Variants in TUSC3 observed in about 807,000 individuals in gnomAD.
The protein encoded by TUSC3 is tumor suppressor candidate 3, also known as dolichyl-diphosphooligosaccharide--protein glycosyltransferase subunit TUSC3.
In TUSC3, 45 loss-of-function variants were observed where a neutral mutation model predicts 44.8. That is an observed-to-expected ratio of 1.00 (90% CI 0.79 to 1.29). The LOEUF is 1.29. TUSC3 is among the 50% of genes most tolerant of loss of function. TUSC3 has a pLI of 0.00. For missense variants in TUSC3, 519 were observed against 437.9 expected (o/e 1.19, Z -1.65); for synonymous variants, 212 against 152.9 (o/e 1.39, Z -2.85).
At chr8:15,422,252 AAAC>A (rs1799746923) in intron 1 of TUSC3, among the ~76,000 whole-genome samples, 1 of 152,232 alleles carries the variant, frequency 6.6e-6, no homozygotes, top group Non-Finnish European at 1.5e-5. Context: ...AGTAGTAAGT[AAAC>A]AAATTTCTCA....
chr8:15,542,073 A>G (rs1461676386), intron 1 of TUSC3, among the ~76,000 whole-genome samples: 1 of 151,880 alleles, frequency 6.6e-6, no homozygotes, highest in South Asian at 2.1e-4. Context: ...CAGGTGCCCA[A>G]GGTGGTCAGG....
chr8:15,625,769 A>C (rs1353508209), intron 2 of TUSC3, among the ~76,000 whole-genome samples: 2 of 152,224 alleles, frequency 1.3e-5, no homozygotes, highest in Non-Finnish European at 2.9e-5. Context: ...AATTTCTAAG[A>C]AGCATCTTAT....
At chr8:15,597,825 A>G (rs562225100) in intron 1 of TUSC3, among the ~76,000 whole-genome samples, 35 of 152,206 alleles carry the variant, frequency 2.3e-4, no homozygotes, top group African/African-American at 8.2e-4. Flanking sequence ...AGAAATGAGT[A>G]TGGCCTACAT....
At chr8:15,541,243 C>G (rs1801680963) in intron 1 of TUSC3, among the ~76,000 whole-genome samples, 1 of 152,156 alleles carries the variant, frequency 6.6e-6, no homozygotes, top group East Asian at 1.9e-4. Context: ...TCTTAATCCA[C>G]CATTAACTTT....
At chr8:15,531,295 C>T (rs767364064) in intron 2 of TUSC3, among the ~76,000 whole-genome samples, 9 of 152,330 alleles carry the variant, frequency 5.9e-5, no homozygotes, top group African/African-American at 2.2e-4. Context: ...CAGTCTTGCT[C>T]TGTCTCCCAG....
chr8:15,504,745 T>C (rs1310883743), intron 2 of TUSC3, among the ~76,000 whole-genome samples: 2 of 148,510 alleles, frequency 1.3e-5, no homozygotes, highest in Non-Finnish European at 3.0e-5. Flanking sequence ...CTCTGCCTCC[T>C]GGGTTCAAGC....
At chr8:15,823,222 C>T in the TUSC3 span, among the ~76,000 whole-genome samples, 385 of 152,260 alleles carry the variant, frequency 2.5e-3, 2 homozygotes, top group African/African-American at 8.3e-3. Context: ...TTTTCCGGAG[C>T]GCTACCCAAA....
At chr8:15,676,424 CTT>C (rs1367355579) in intron 6 of TUSC3, among the ~76,000 whole-genome samples, 2 of 152,162 alleles carry the variant, frequency 1.3e-5, no homozygotes, top group Non-Finnish European at 2.9e-5. Flanking sequence ...TGTAGGGTGT[CTT>C]TTTAGTCTGT....
At chr8:15,488,214 T>A (rs1800759320) in intron 2 of TUSC3, among the ~76,000 whole-genome samples, 4 of 152,032 alleles carry the variant, frequency 2.6e-5, no homozygotes. Flanking sequence ...ATCTCTAAAG[T>A]GTTTTTGTTG....
intron 2 of TUSC3, among the ~76,000 whole-genome samples, chr8:15,644,142 A>G (rs1183886700): frequency 6.6e-6 from 1 of 152,188 alleles, no homozygotes; most frequent in Non-Finnish European, 1.5e-5. Context: ...AAAAAGCATT[A>G]TAACATAAAA....
At chr8:15,510,227 A>T (rs942146567) in intron 2 of TUSC3, among the ~76,000 whole-genome samples, 3 of 152,204 alleles carry the variant, frequency 2.0e-5, no homozygotes, top group African/African-American at 7.2e-5. Context: ...GGAGAAAAAT[A>T]GATACAATCA....
intron 1 of TUSC3, among the ~76,000 whole-genome samples, chr8:15,555,765 T>C (rs943692340): frequency 6.6e-6 from 1 of 151,624 alleles, no homozygotes; most frequent in East Asian, 2.0e-4. Flanking sequence ...TGTAGAAGTT[T>C]AGCAACATTT....
At chr8:15,632,577 G>A (rs968653980) in intron 2 of TUSC3, among the ~76,000 whole-genome samples, 15 of 152,082 alleles carry the variant, frequency 9.9e-5, no homozygotes, top group Non-Finnish European at 1.6e-4. Context: ...TGAATATCCT[G>A]TTTCTCAGTA....
At position 15,671,904 on chromosome 8, in the gene TUSC3, C is replaced by G. The variant is rs184612826; in HGVS notation, c.709-1843C>G. Reference sequence around the variant, plus strand: ...ATTTCTAGCTGAGGATGGCAAGCCTCTTTATCTTATTCATTCTTACATCTC... The same window carrying G: ...ATTTCTAGCTGAGGATGGCAAGCCTGTTTATCTTATTCATTCTTACATCTC... On this transcript the variant is annotated intron_variant, in intron 5 of 10. Transcript: ENST00000503731. Among the ~76,000 whole-genome samples, 22 of 150,646 alleles carry G rather than the reference C, an allele frequency of 1.5e-4. No homozygotes were observed. The East Asian group carries it at 4.7e-3, about 32-fold the overall frequency.
chr8:15,842,234 G>A, the TUSC3 span, among the ~76,000 whole-genome samples: 2 of 152,136 alleles, frequency 1.3e-5, no homozygotes, highest in Admixed American at 6.5e-5. Flanking sequence ...GAATCCTTCC[G>A]ACTTGGGTTA....
At chr8:15,436,648 A>T (rs1190507903) in intron 1 of TUSC3, among the ~76,000 whole-genome samples, 2 of 152,174 alleles carry the variant, frequency 1.3e-5, no homozygotes, top group South Asian at 2.1e-4. Context: ...TTGACTATGT[A>T]TATAAAAGAA....
At position 15,720,205 on chromosome 8, in the gene TUSC3, C is replaced by CACACACACAG. The variant is rs1316935338; in HGVS notation, c.799-10452_799-10451insGACACACACA. Among the ~76,000 whole-genome samples, 22 of 143,162 alleles carry CACACACACAG rather than the reference C, an allele frequency of 1.5e-4. 1 individual carries two copies. Among genetic ancestry groups the CACACACACAG allele is most frequent in the African/African-American group, 5.5e-4 (20 of 36,038 alleles). 93.9% of individuals were successfully genotyped at this position (143,162 alleles called of 152,430 possible). On this transcript the variant is annotated intron_variant, in intron 6 of 10. Coordinates refer to ENST00000503731, the MANE Select transcript of TUSC3 (RefSeq NM_006765.4). ...TAAATATAGTGTATATATATATACA[C>CACACACACAG]ACACACACACACACACACACACACA...
At chr8:15,455,613 C>G (rs1317765796) in intron 1 of TUSC3, among the ~76,000 whole-genome samples, 1 of 151,936 alleles carries the variant, frequency 6.6e-6, no homozygotes, top group African/African-American at 2.4e-5. Context: ...CATTCTTAGC[C>G]TCTGGCTATA....
chr8:15,674,013 A>G lies in TUSC3; in HGVS notation c.798+177A>G, dbSNP rs553893427. Among the ~76,000 whole-genome samples the G allele has an allele frequency of 1.1e-4, 16 of 151,066 alleles. No individual in the cohort carries two copies. In the East Asian group the frequency reaches 2.1e-3, roughly 20 times the overall value. Reference sequence around the variant, plus strand: ...ACATGTGCATACACACACACACACAATATTACTTTTGTTAGGATGAGGGCT... The same window carrying G: ...ACATGTGCATACACACACACACACAGTATTACTTTTGTTAGGATGAGGGCT... On this transcript the variant is annotated intron_variant, in intron 6 of 10. Coordinates refer to ENST00000503731, the MANE Select transcript of TUSC3 (RefSeq NM_006765.4).
Sources: allele counts gnomAD v4.1 joint callset (sites outside exome capture counted in the v4.1 genomes callset), GRCh38; gene constraint gnomAD v4.1.1; transcripts MANE v1.5; gene names NCBI Gene and HGNC (gene_info 2026-07-23, HGNC 2026-07-21).